PARP11: variants seen among roughly 807,000 people sequenced by gnomAD.
PARP11 encodes protein mono-ADP-ribosyltransferase PARP11.
A neutral mutation model predicts 42.9 loss-of-function variants in PARP11; 31 were observed. The observed-to-expected ratio is 0.72, with a 90% confidence interval of 0.54 to 0.98. PARP11 has a LOEUF of 0.98. Among genes scored for constraint, PARP11 ranks in the 50% least tolerant of loss-of-function variants. PARP11 has a pLI of 0.00. For synonymous variants in PARP11, 137 were observed against 127.3 expected (o/e 1.08, Z -0.51); for missense variants, 365 against 413.1 (o/e 0.88, Z 1.01).
intron 1 of PARP11, among the ~76,000 whole-genome samples, chr12:3,869,267 G>A (rs1948437553): frequency 6.6e-6 from 1 of 152,078 alleles, no homozygotes; most frequent in Non-Finnish European, 1.5e-5. Flanking sequence ...ATTAATATGT[G>A]GATATCTTTA....
At chr12:3,869,508 G>A (rs1436159594) in intron 1 of PARP11, among the ~76,000 whole-genome samples, 1 of 152,106 alleles carries the variant, frequency 6.6e-6, no homozygotes, top group South Asian at 2.1e-4. Flanking sequence ...AGCCACATAG[G>A]CTTCTCTCTT....
intron 1 of PARP11, among the ~76,000 whole-genome samples, chr12:3,833,065 T>A (rs1418090636): frequency 2.0e-5 from 3 of 152,158 alleles, no homozygotes; most frequent in Non-Finnish European, 4.4e-5. Flanking sequence ...ATAAGGAAAA[T>A]AAGGCTGCCT....
intron 1 of PARP11, among the ~76,000 whole-genome samples, chr12:3,845,570 G>A (rs1947979827): frequency 6.6e-6 from 1 of 152,142 alleles, no homozygotes; most frequent in Non-Finnish European, 1.5e-5. Context: ...TTTAGATGAG[G>A]TAAATGTTTT....
At chr12:3,833,320 C>G (rs768495643) in intron 1 of PARP11, among the ~76,000 whole-genome samples, 1 of 152,094 alleles carries the variant, frequency 6.6e-6, no homozygotes, top group South Asian at 2.1e-4. Flanking sequence ...AACTAGTAGG[C>G]CGGGCGTGGT....
At chr12:3,839,258 T>G (rs570786189) in intron 1 of PARP11, among the ~76,000 whole-genome samples, 1 of 150,998 alleles carries the variant, frequency 6.6e-6, no homozygotes, top group Non-Finnish European at 1.5e-5. Context: ...GGCCTGGCCA[T>G]GTGGGGCTAG....
At position 3,861,286 on chromosome 12, in the gene PARP11, A is replaced by G. The variant is rs374123803; in HGVS notation, c.18+11926T>C. Among the ~76,000 whole-genome samples, 4 of 152,334 alleles carry G rather than the reference A, an allele frequency of 2.6e-5. No homozygotes were observed. The East Asian group carries it at 5.8e-4, about 22-fold the overall frequency. On this transcript the variant is annotated intron_variant, in intron 1 of 7. Transcript: ENST00000228820. The surrounding 1 kb of genome is among the most constrained non-coding windows in gnomAD (Gnocchi z 4.6). The stretch of plus-strand genomic sequence containing the variant: ...TGTTGAAATTCTAACTCCTAATGTG[A>G]TATGAAAATGGGGCCTTTGGGAGGT...
At chr12:3,819,999 G>A (rs372219944) in intron 6 of PARP11, among the ~76,000 whole-genome samples, 4 of 152,174 alleles carry the variant, frequency 2.6e-5, no homozygotes, top group African/African-American at 9.6e-5. Flanking sequence ...CTGGTGTCTG[G>A]GGCTCCCTAA....
At chr12:3,842,029 A>G (rs1239083535) in intron 1 of PARP11, 4 of 1,611,008 alleles carry the variant, frequency 2.5e-6, no homozygotes, top group African/African-American at 2.7e-5. Flanking sequence ...ATTGGCTTCC[A>G]TCCCTCCTGT....
At chr12:3,838,172 C>T (rs989787680) in intron 1 of PARP11, among the ~76,000 whole-genome samples, 1 of 150,832 alleles carries the variant, frequency 6.6e-6, no homozygotes, top group Non-Finnish European at 1.5e-5. Context: ...TTCATCAACA[C>T]ATGAAATATT....
intron 1 of PARP11, among the ~76,000 whole-genome samples, chr12:3,833,645 T>A (rs545476737): frequency 1.2e-4 from 18 of 152,218 alleles, no homozygotes; most frequent in African/African-American, 4.1e-4. Context: ...AAAATTTTTT[T>A]AAAAAACAAA....
intron 1 of PARP11, chr12:3,839,762 C>G: frequency 1.8e-6 from 2 of 1,128,914 alleles, no homozygotes; most frequent in Non-Finnish European, 1.4e-6. Context: ...ATTGTGTATC[C>G]CGTAAAGTAT....
At chr12:3,828,148 T>C (rs1947565379) in intron 3 of PARP11, among the ~76,000 whole-genome samples, 3 of 152,224 alleles carry the variant, frequency 2.0e-5, no homozygotes. Context: ...AAGAAATTGT[T>C]TTCTGACAAA....
At chr12:3,871,767 G>C (rs1425984805) in intron 1 of PARP11, 1 of 152,196 alleles carries the variant, frequency 6.6e-6, no homozygotes, top group Non-Finnish European at 1.5e-5. Context: ...TCTGAGGGTT[G>C]TGTTGGGGCT....
intron 1 of PARP11, among the ~76,000 whole-genome samples, chr12:3,860,136 A>C (rs1036787676): frequency 6.6e-6 from 1 of 152,208 alleles, no homozygotes; most frequent in Non-Finnish European, 1.5e-5. Flanking sequence ...TGTTCAGAGG[A>C]CAACACTAAG....
intron 1 of PARP11, among the ~76,000 whole-genome samples, chr12:3,838,978 G>A (rs1276870557): frequency 6.6e-6 from 1 of 152,182 alleles, no homozygotes; most frequent in East Asian, 1.9e-4. Context: ...CCTGGGTCCT[G>A]AGTCGGGCAG....
In PARP11 at chr12:3,809,705, T is replaced by C. The variant is rs1374337446; in HGVS notation, c.*2418A>G. 1 of 152,152 alleles carries C rather than the reference T, an allele frequency of 6.6e-6. No homozygotes were observed. Among genetic ancestry groups the C allele is most frequent in the Non-Finnish European group, 1.5e-5 (1 of 68,026 alleles). 9.4% of individuals were successfully genotyped at this position (152,152 alleles called of 1,614,324 possible). A position where few individuals can be genotyped will look rare whatever the true frequency, so the allele number is the denominator to read the frequency against. ...TTTTGGTATGTAAATTACAAATAAA[T>C]CGAAAAAAAGATTTTCAAAACCTGA... On this transcript the variant is annotated 3_prime_UTR_variant, in exon 8 of 8. Transcript: ENST00000228820.
At chr12:3,853,319 A>C (rs950184829) in intron 1 of PARP11, among the ~76,000 whole-genome samples, 10 of 152,198 alleles carry the variant, frequency 6.6e-5, no homozygotes, top group African/African-American at 2.4e-4. Context: ...TAAATACCCC[A>C]ATTAAAAGAC....
rs1467232474 is a variant in PARP11, at chr12:3,840,902, T to C, written c.19-10884A>G. The C allele has an allele frequency of 6.2e-7, 1 of 1,602,750 alleles. No individual in the cohort carries two copies. The highest frequency in any genetic ancestry group is 8.5e-7 in the Non-Finnish European group (1 of 1,169,694). On this transcript the variant is annotated intron_variant, in intron 1 of 7. Transcript: ENST00000228820. The surrounding 1 kb of genome is among the most constrained non-coding windows in gnomAD (Gnocchi z 4.4). ...TTGTCAAATCCAGCTCCCCTTCTAG[T>C]TTCTCCAGAGGTACATCTAACTCCT...
intron 1 of PARP11, among the ~76,000 whole-genome samples, chr12:3,867,062 G>A (rs1167229070): frequency 6.6e-6 from 1 of 152,182 alleles, no homozygotes. Flanking sequence ...ATAGTACAGG[G>A]AAGACAGTTT....
Sources: allele counts gnomAD v4.1 joint callset (sites outside exome capture counted in the v4.1 genomes callset), GRCh38; gene constraint gnomAD v4.1.1; non-coding constraint Gnocchi (gnomAD v3.1); transcripts MANE v1.5; gene names NCBI Gene and HGNC (gene_info 2026-07-23, HGNC 2026-07-21).